Variants in PPP3CB observed in about 807,000 individuals in gnomAD.
The protein encoded by PPP3CB is protein phosphatase 3 catalytic subunit beta, also known as serine/threonine-protein phosphatase 2B catalytic subunit beta isoform.
In PPP3CB, 8 loss-of-function variants were observed where a neutral mutation model predicts 66.4. The ratio of observed to expected loss-of-function variants is 0.12; its 90% CI spans 0.07 to 0.22. PPP3CB has a LOEUF of 0.22. Ranked by LOEUF, PPP3CB falls within the 10% of genes least tolerant of loss-of-function variation. The pLI is 1.00. For missense variants in PPP3CB, 319 were observed against 642.5 expected, an observed-to-expected ratio of 0.50 and a Z score of 5.44; for synonymous variants, 208 against 221.2, an observed-to-expected ratio of 0.94 and a Z score of 0.53.
rs1381368640 is a variant in PPP3CB at position 73,438,127 on chromosome 10, A to G, written c.*115T>C. ...AGGGGGCTAGGGTCTCAGAAGCACA[A>G]TGGTTTCTTCAGAGAGACTGTGAAA... On this transcript the variant is annotated 3_prime_UTR_variant, in exon 14 of 14. Transcript: ENST00000360663. 8 of 1,053,568 alleles carry G rather than the reference A, an allele frequency of 7.6e-6. No homozygotes were observed. In the East Asian group the frequency reaches 1.1e-4, roughly 14 times the overall value. The allele number at this position is 1,053,568 out of a possible 1,614,324, so 65.3% of individuals were successfully genotyped here.
intron 9 of PPP3CB, among the ~76,000 whole-genome samples, chr10:73,465,639 C>T (rs2056607666): frequency 6.6e-6 from 1 of 152,156 alleles, no homozygotes; most frequent in African/African-American, 2.4e-5. Context: ...GGGATTAAAT[C>T]AGCCTTTCAG....
chr10:73,460,265 C>CAAAAAAAAAAAAAA (rs11447229), intron 9 of PPP3CB, among the ~76,000 whole-genome samples: 44 of 35,618 alleles, frequency 1.2e-3, no homozygotes, highest in Admixed American at 2.0e-3. Context: ...AAAGTAATAG[C>CAAAAAAAAAAAAAA]AAAAAAAAAA....
At chr10:73,467,769 T>C in intron 8 of PPP3CB, 91 bp from the exon 9 acceptor site, 2 of 1,267,364 alleles carry the variant, frequency 1.6e-6, no homozygotes, top group Non-Finnish European at 2.2e-6. Context: ...AGCAGAAAAA[T>C]ATTAAGAGGA....
intron 9 of PPP3CB, among the ~76,000 whole-genome samples, chr10:73,460,259 T>C (rs1359138349): frequency 4.0e-5 from 1 of 25,132 alleles, no homozygotes; most frequent in South Asian, 6.3e-4. Context: ...GGCAAGAAAG[T>C]AATAGCAAAA....
chr10:73,472,494 C>CAA (rs748895209), intron 4 of PPP3CB, among the ~76,000 whole-genome samples: 5,958 of 77,172 alleles, frequency 0.077, 381 homozygotes, highest in African/African-American at 0.23. Flanking sequence ...GACTCTGTCT[C>CAA]AAAAAAAAAA....
At chr10:73,457,653 G>C (rs368136985) in intron 9 of PPP3CB, among the ~76,000 whole-genome samples, 1 of 151,436 alleles carries the variant, frequency 6.6e-6, no homozygotes, top group Non-Finnish European at 1.5e-5. Flanking sequence ...CAGGAGAATC[G>C]CTTGAATCTG....
intron 9 of PPP3CB, among the ~76,000 whole-genome samples, chr10:73,462,095 C>G (rs1000995525): frequency 2.0e-5 from 3 of 149,530 alleles, no homozygotes; most frequent in Non-Finnish European, 4.4e-5. Flanking sequence ...GATGCAGGTG[C>G]TATGCTTGTA....
chr10:73,444,717 A>C lies in PPP3CB; in HGVS notation c.1366+8T>G, dbSNP rs1172944153. The C allele has an allele frequency of 6.2e-7, 1 of 1,614,056 alleles. No individual in the cohort carries two copies. The highest frequency in any genetic ancestry group is 8.5e-7 in the Non-Finnish European group (1 of 1,180,038). ...TCTGAGGCACAGCAAGTTGCATAAC[A>C]TCATTACCACTTTGCAGGGTCTGCC... is the stretch of plus-strand genomic sequence containing the variant. On this transcript the variant is annotated splice_region_variant and intron_variant, in intron 12 of 13. Transcript: ENST00000360663.
intron 1 of PPP3CB, among the ~76,000 whole-genome samples, chr10:73,480,235 C>A (rs1206270141): frequency 7.0e-6 from 1 of 143,770 alleles, no homozygotes; most frequent in Non-Finnish European, 1.6e-5. Context: ...TTTCTCCTAC[C>A]TTACTTAACG....
At chr10:73,454,748 T>C (rs547272402) in intron 9 of PPP3CB, among the ~76,000 whole-genome samples, 12 of 150,434 alleles carry the variant, frequency 8.0e-5, no homozygotes, top group South Asian at 2.1e-4. Context: ...TGAAGCCCCA[T>C]AGAGATAAGA....
chr10:73,452,072 AT>A (rs201855997), intron 10 of PPP3CB, among the ~76,000 whole-genome samples: 6 of 152,080 alleles, frequency 3.9e-5, no homozygotes, highest in African/African-American at 1.4e-4. Context: ...AAAAAAAAAA[AT>A]TTAAAAAACC....
In PPP3CB at chr10:73,495,892, T is replaced by C; in HGVS notation, c.-3A>G. 1 of 621,956 alleles carries C rather than the reference T, an allele frequency of 1.6e-6. No individual in the cohort carries two copies. The highest frequency in any genetic ancestry group is 2.1e-6 in the Non-Finnish European group (1 of 471,182). The allele number at this position is 621,956 out of a possible 1,614,324, so 38.5% of individuals were successfully genotyped here. A position where few individuals can be genotyped will look rare whatever the true frequency, so the allele number is the denominator to read the frequency against. ...CGGGCCGGCTCCGGGGCGGCCATGC[T>C]GGGCCCGGGGCTCGGCTAGGCTCTG... On this transcript the variant is annotated 5_prime_UTR_variant, in exon 1 of 14. Transcript: ENST00000360663.
intron 1 of PPP3CB, among the ~76,000 whole-genome samples, chr10:73,494,141 G>T (rs2057126898): frequency 6.6e-6 from 1 of 151,896 alleles, no homozygotes; most frequent in African/African-American, 2.4e-5. Context: ...TTTCTTGATA[G>T]AATGAATGTC....
At chr10:73,467,016 T>A (rs2056627621) in intron 9 of PPP3CB, 1 of 152,184 alleles carries the variant, frequency 6.6e-6, no homozygotes, top group South Asian at 2.1e-4. Context: ...TAACAAGTGT[T>A]CCTCTAAATT....
At chr10:73,467,924 T>G (rs1443817202) in intron 8 of PPP3CB, among the ~76,000 whole-genome samples, 1 of 152,184 alleles carries the variant, frequency 6.6e-6, no homozygotes, top group African/African-American at 2.4e-5. Context: ...AATTTCCAGA[T>G]TCTTTCCAGA....
At chr10:73,481,930 A>G (rs1160720117) in intron 1 of PPP3CB, among the ~76,000 whole-genome samples, 7 of 152,162 alleles carry the variant, frequency 4.6e-5, no homozygotes, top group African/African-American at 1.7e-4. Flanking sequence ...TTTTACCCCC[A>G]AATATAGCAT....
chr10:73,456,743 C>T (rs954901049), intron 9 of PPP3CB, among the ~76,000 whole-genome samples: 3 of 152,022 alleles, frequency 2.0e-5, no homozygotes, highest in East Asian at 1.9e-4. Flanking sequence ...CAGAAAAAAA[C>T]GGGCAAATCT....
intron 10 of PPP3CB, chr10:73,448,614 T>C (rs181856416): frequency 1.9e-6 from 1 of 532,746 alleles, no homozygotes; most frequent in Admixed American, 1.9e-5. Flanking sequence ...GACATGAAGA[T>C]AACTTATGAA....
At chr10:73,444,900 T>A in intron 11 of PPP3CB, 78 bp from the exon 12 acceptor site, 1 of 1,357,094 alleles carries the variant, frequency 7.4e-7, no homozygotes, top group Non-Finnish European at 1.0e-6. Flanking sequence ...GGTCTAGATA[T>A]AGGCCATATA....
Sources: gnomAD v4.1 joint callset for allele counts (sites outside exome capture counted in the v4.1 genomes callset) on GRCh38, gnomAD v4.1.1 for gene constraint, MANE v1.5 for transcripts, NCBI Gene and HGNC (gene_info 2026-07-23, HGNC 2026-07-21) for gene names.